Variants in PTPRD observed in about 807,000 individuals in gnomAD.
PTPRD encodes protein tyrosine phosphatase receptor type D.
In PTPRD, 34 loss-of-function variants were observed where a neutral mutation model predicts 214.5. The observed-to-expected ratio is 0.16, with a 90% CI of 0.12 to 0.21. The LOEUF (loss-of-function observed/expected upper bound fraction) is 0.21, where lower values mean the gene tolerates loss of function less well. Among genes scored for constraint, PTPRD ranks in the 10% least tolerant of loss-of-function variants. PTPRD has a pLI of 1.00. For missense variants in PTPRD, 2,545 were observed against 2,398.7 expected, an observed-to-expected ratio of 1.06 and a Z score of -1.27; for synonymous variants, 1,128 against 845.7, an observed-to-expected ratio of 1.33 and a Z score of -5.79.
intron 11 of PTPRD, among the ~76,000 whole-genome samples, chr9:8,987,925 C>G (rs974964295): frequency 8.6e-5 from 13 of 151,832 alleles, no homozygotes; most frequent in African/African-American, 2.9e-4. Context: ...GCTGAATGAC[C>G]CTTGTAAAGA....
intron 8 of PTPRD, among the ~76,000 whole-genome samples, chr9:9,568,916 C>A (rs2085451743): frequency 6.6e-6 from 1 of 151,736 alleles, no homozygotes. Context: ...TAGCCCAATG[C>A]TTAGTACATA....
chr9:10,403,227 A>ATATATATATATATATAT (rs2098301499), intron 2 of PTPRD, among the ~76,000 whole-genome samples: 1 of 59,880 alleles, frequency 1.7e-5, no homozygotes, highest in Non-Finnish European at 3.5e-5. Context: ...TGTGTGTGTA[A>ATATATATATATATATAT]ATATATATAT....
At chr9:10,156,218 T>C (rs2099092507) in intron 3 of PTPRD, among the ~76,000 whole-genome samples, 1 of 151,836 alleles carries the variant, frequency 6.6e-6, no homozygotes, top group Non-Finnish European at 1.5e-5. Flanking sequence ...CTCTTTTAGT[T>C]GTGATGTTAG....
Position 9,050,260 on chromosome 9 carries a change from C to T in PTPRD, c.-142-31525G>A, listed in dbSNP as rs572742780. ...TGTTCAATGTACTGATAAAACTAGT[C>T]GATAAAACTAGTCATGACACTGAAA... On this transcript the variant is annotated intron_variant, in intron 10 of 45. Coordinates refer to ENST00000381196, the MANE Select transcript of PTPRD (RefSeq NM_002839.4). Among the ~76,000 whole-genome samples, 6 of 152,090 alleles carry T rather than the reference C, an allele frequency of 3.9e-5. No homozygotes were observed. The East Asian group carries it at 7.7e-4, about 20-fold the overall frequency.
intron 11 of PTPRD, among the ~76,000 whole-genome samples, chr9:8,752,563 C>T (rs1438911824): frequency 6.6e-6 from 1 of 152,140 alleles, no homozygotes; most frequent in Non-Finnish European, 1.5e-5. Flanking sequence ...TGGACTCGCC[C>T]TCAATTCTTT....
At chr9:9,850,616 A>G (rs769606951) in intron 5 of PTPRD, among the ~76,000 whole-genome samples, 11 of 152,158 alleles carry the variant, frequency 7.2e-5, no homozygotes, top group Non-Finnish European at 1.5e-4. Flanking sequence ...TATATAGAAT[A>G]CTATGGAATG....
chr9:9,862,975 C>T (rs1042562602), intron 5 of PTPRD, among the ~76,000 whole-genome samples: 2 of 152,030 alleles, frequency 1.3e-5, no homozygotes, highest in African/African-American at 2.4e-5. Context: ...ACCATTATTT[C>T]TTCAATAATA....
At chr9:9,543,908 A>G (rs2078166816) in intron 8 of PTPRD, among the ~76,000 whole-genome samples, 2 of 151,614 alleles carry the variant, frequency 1.3e-5, no homozygotes, top group African/African-American at 4.8e-5. Flanking sequence ...AGAAGCTACC[A>G]TTTTCCAGAA....
At chr9:9,054,264 T>C (rs1031521180) in intron 10 of PTPRD, among the ~76,000 whole-genome samples, 4 of 152,170 alleles carry the variant, frequency 2.6e-5, no homozygotes, top group East Asian at 1.9e-4. Context: ...GAAGTTCTCA[T>C]TGTCACGAAT....
intron 14 of PTPRD, among the ~76,000 whole-genome samples, chr9:8,578,179 T>C (rs750946602): frequency 2.6e-5 from 4 of 152,196 alleles, no homozygotes; most frequent in Non-Finnish European, 4.4e-5. Flanking sequence ...GCAGATATGA[T>C]GCATTGCCAA....
intron 6 of PTPRD, among the ~76,000 whole-genome samples, chr9:9,738,010 T>A (rs1420467015): frequency 6.7e-6 from 1 of 150,290 alleles, no homozygotes; most frequent in Non-Finnish European, 1.5e-5. Flanking sequence ...ATTAAAAAAA[T>A]CAAACACCGC....
intron 8 of PTPRD, among the ~76,000 whole-genome samples, chr9:9,458,429 GTTGAT>G (rs1169318833): frequency 6.6e-6 from 1 of 151,942 alleles, no homozygotes; most frequent in Non-Finnish European, 1.5e-5. Flanking sequence ...GTTTTGATAG[GTTGAT>G]TTAAGATTTT....
chr9:8,710,302 C>T (rs1275016195), intron 12 of PTPRD, among the ~76,000 whole-genome samples: 2 of 151,996 alleles, frequency 1.3e-5, no homozygotes, highest in Non-Finnish European at 2.9e-5. Flanking sequence ...TAATAACATT[C>T]AAAAGGTAAA....
intron 7 of PTPRD, among the ~76,000 whole-genome samples, chr9:9,734,052 C>G (rs1456856066): frequency 6.6e-6 from 1 of 152,252 alleles, no homozygotes; most frequent in African/African-American, 2.4e-5. Context: ...TGGAAAAGAT[C>G]AGTGTGTTCA....
Position 10,587,438 on chromosome 9 carries a change from CCATAT to C in PTPRD, c.-600+24955_-600+24959del, listed in dbSNP as rs1009573529. Reference sequence around the variant, plus strand: ...ATTTTGAGTTTAATTCAAACAGAATCCATATCATAAGAGTGAAAATTAATAATAAA... The same window carrying C: ...ATTTTGAGTTTAATTCAAACAGAATCCATAAGAGTGAAAATTAATAATAAA... On this transcript the variant is annotated intron_variant, in intron 2 of 45. Coordinates refer to ENST00000381196, the MANE Select transcript of PTPRD (RefSeq NM_002839.4). 7.9e-5 allele frequency among the ~76,000 whole-genome samples: 12 copies of C among 151,918 alleles called. No homozygotes were observed. The East Asian group carries it at 9.7e-4, about 12-fold the overall frequency.
chr9:9,954,572 A>C (rs1470079063), intron 4 of PTPRD, among the ~76,000 whole-genome samples: 1 of 149,716 alleles, frequency 6.7e-6, no homozygotes, highest in Non-Finnish European at 1.5e-5. Context: ...AGAAATAGAA[A>C]ATCTGTCATT....
chr9:8,495,994 A>G (rs533362675), intron 26 of PTPRD, among the ~76,000 whole-genome samples: 14 of 152,224 alleles, frequency 9.2e-5, no homozygotes, highest in African/African-American at 3.1e-4. Context: ...TCCCAGTATT[A>G]TATTATAGTT....
At chr9:9,588,520 G>A (rs980829583) in intron 7 of PTPRD, among the ~76,000 whole-genome samples, 12 of 151,776 alleles carry the variant, frequency 7.9e-5, no homozygotes, top group African/African-American at 2.9e-4. Context: ...TCTATAATAT[G>A]GTAGTTTTTG....
intron 11 of PTPRD, among the ~76,000 whole-genome samples, chr9:8,741,082 T>C (rs2091795425): frequency 6.6e-6 from 1 of 152,192 alleles, no homozygotes; most frequent in Non-Finnish European, 1.5e-5. Context: ...CAAGTGGCTT[T>C]ACATTGGAAG....
Sources: allele counts gnomAD v4.1 joint callset (sites outside exome capture counted in the v4.1 genomes callset), GRCh38; gene constraint gnomAD v4.1.1; transcripts MANE v1.5; gene names NCBI Gene and HGNC (gene_info 2026-07-23, HGNC 2026-07-21).